AR: variants seen among roughly 807,000 people sequenced by gnomAD.
AR encodes the protein dihydrotestosterone receptor.
In AR, 8 loss-of-function variants were observed where a neutral mutation model predicts 53.9. The observed-to-expected ratio is 0.15, with a 90% confidence interval of 0.09 to 0.27. The LOEUF (loss-of-function observed/expected upper bound fraction) is 0.27, where lower values mean the gene tolerates loss of function less well. AR is among the 10% of genes least tolerant of loss of function. The probability of loss-of-function intolerance (pLI) is 1.00; values close to 1 mark genes in which losing one functional copy is unlikely to be tolerated. For missense variants in AR, 639 were observed against 742.5 expected, an observed-to-expected ratio of 0.86 and a Z score of 1.62; for synonymous variants, 359 against 316.4, an observed-to-expected ratio of 1.13 and a Z score of -1.43.
intron 1 of AR, among the ~76,000 whole-genome samples, chrX:67,572,829 T>A (rs1921881809): frequency 8.9e-6 from 1 of 111,916 alleles, no homozygotes; most frequent in South Asian, 3.7e-4. Flanking sequence ...CATATACAAG[T>A]CAGCATTTTT....
At chrX:67,574,434 T>C (rs141441754) in intron 1 of AR, among the ~76,000 whole-genome samples, 10 of 110,618 alleles carry the variant, frequency 9.0e-5, no homozygotes, top group African/African-American at 3.0e-4. Flanking sequence ...CAATGACCCA[T>C]TGGGCTAGTT....
intron 2 of AR, among the ~76,000 whole-genome samples, chrX:67,654,543 A>G (rs1413248296): frequency 9.1e-6 from 1 of 110,102 alleles, no homozygotes; most frequent in Admixed American, 9.8e-5. Flanking sequence ...TGACTTCCAG[A>G]CTTTGGACTT....
rs183463899 is a variant in AR at position 67,581,330 on chromosome X, T to C, written c.1616+34568T>C. Among the ~76,000 whole-genome samples, 9 of 112,050 alleles carry C rather than the reference T, an allele frequency of 8.0e-5. No homozygotes were observed. The East Asian group carries it at 2.5e-3, about 32-fold the overall frequency. On this transcript the variant is annotated intron_variant, in intron 1 of 7. Coordinates refer to ENST00000374690, the MANE Select transcript of AR (RefSeq NM_000044.6). ...GAATGTGATGTTTTATATGTACCTC[T>C]TATAGAATGTGAGCTTTTAAGAGGC...
intron 3 of AR, among the ~76,000 whole-genome samples, chrX:67,697,756 G>A (rs937852008): frequency 9.0e-6 from 1 of 111,613 alleles, no homozygotes; most frequent in Non-Finnish European, 1.9e-5. Context: ...AGGTGTAGGA[G>A]AAATCAAGAG....
rs137852589 is a variant in AR, at chrX:67,721,857, G to A, written c.2343G>A (p.Met781Ile). The A allele has an allele frequency of 8.3e-7, 1 of 1,210,751 alleles. No individual in the cohort carries two copies. Among genetic ancestry groups the A allele is most frequent in the Admixed American group, 2.2e-5 (1 of 45,937 alleles). ...FNEYRMHKSRMYSQCVRMRHL... is the reference protein window; with the variant it reads ...FNEYRMHKSRIYSQCVRMRHL... ...GGTACCGCATGCACAAGTCCCGGAT[G>A]TACAGCCAGTGTGTCCGAATGAGGC... Residue 781 changes from methionine (M) to isoleucine (I), a missense_variant, in exon 6 of 8, where the codon ATG (methionine) becomes ATA (isoleucine). Around this residue, in one of 5 missense-constraint regions of AR, gnomAD observed 95 missense variants for 196.4 expected, o/e 0.48. Transcript: ENST00000374690.
Position 67,730,053 on chromosome X carries a change from C to CATTG in AR, c.*6216_*6219dup, listed in dbSNP as rs2147548219. 5.7e-6 allele frequency: 1 copy of CATTG among 175,095 alleles called. No homozygotes were observed. Among genetic ancestry groups the CATTG allele is most frequent in the East Asian group, 8.1e-5 (1 of 12,392 alleles). 14.4% of individuals were successfully genotyped at this position (175,095 alleles called of 1,213,427 possible). On this transcript the variant is annotated 3_prime_UTR_variant, in exon 8 of 8. Transcript: ENST00000374690. ...CTTTCTGCTTTCCTCTAGACTGGAA[C>CATTG]ATTGATTAGGGAGTGCCTCAGACAT... is the stretch of plus-strand genomic sequence containing the variant.
At chrX:67,580,109 A>G (rs1466852450) in intron 1 of AR, among the ~76,000 whole-genome samples, 2 of 108,443 alleles carry the variant, frequency 1.8e-5, no homozygotes, top group Non-Finnish European at 3.8e-5. Flanking sequence ...CCAACTCCAC[A>G]GTTCTTAGTT....
rs1239805782 is a variant in AR at position 67,544,609 on chromosome X, T to C, written c.-538T>C. 2.4e-5 allele frequency: 4 copies of C among 167,758 alleles called. No individual in the cohort carries two copies. The highest frequency in any genetic ancestry group is 4.5e-5 in the Non-Finnish European group (4 of 89,283). The allele number at this position is 167,758 out of a possible 1,213,427, so 13.8% of individuals were successfully genotyped here. ...TTCAGCACTGCAGCCACGACCCGCC[T>C]GGTTAGGCTGCACGCGGAGAGAACC... On this transcript the variant is annotated 5_prime_UTR_variant, in exon 1 of 8. Coordinates refer to ENST00000374690, the MANE Select transcript of AR (RefSeq NM_000044.6).
Position 67,554,473 on chromosome X carries a change from T to C in AR, c.1616+7711T>C, listed in dbSNP as rs561015282. Among the ~76,000 whole-genome samples the C allele has an allele frequency of 8.0e-5, 9 of 111,916 alleles. No homozygotes were observed. The South Asian group carries it at 3.4e-3, about 42-fold the overall frequency. On this transcript the variant is annotated intron_variant, in intron 1 of 7. Transcript: ENST00000374690. ...ATGAAGCAAAGATAAAATTCATCTA[T>C]ACACAGACTGAACTTTGTCTTCATT...
At chrX:67,586,082 G>A (rs756310262) in intron 1 of AR, among the ~76,000 whole-genome samples, 25 of 111,501 alleles carry the variant, frequency 2.2e-4, no homozygotes, top group Non-Finnish European at 3.6e-4. Flanking sequence ...GAGAGAGCCT[G>A]AATCATTCAA....
At chrX:67,705,175 C>A (rs1044077776) in intron 3 of AR, among the ~76,000 whole-genome samples, 8 of 111,436 alleles carry the variant, frequency 7.2e-5, no homozygotes, top group African/African-American at 2.3e-4. Context: ...TTCTCCAATT[C>A]TGTGGAGAAA....
chrX:67,648,511 T>C (rs1233419799), intron 2 of AR, among the ~76,000 whole-genome samples: 3 of 111,635 alleles, frequency 2.7e-5, no homozygotes, highest in Non-Finnish European at 5.6e-5. Flanking sequence ...TATTACCTCA[T>C]GATTCTGTCT....
At chrX:67,704,147 T>G (rs766297970) in intron 3 of AR, among the ~76,000 whole-genome samples, 2 of 112,022 alleles carry the variant, frequency 1.8e-5, no homozygotes, top group South Asian at 7.5e-4. Flanking sequence ...ATATAATCCT[T>G]TGGGTATATA....
intron 1 of AR, among the ~76,000 whole-genome samples, chrX:67,571,732 A>G (rs1478486910): frequency 2.7e-5 from 3 of 111,358 alleles, no homozygotes; most frequent in Non-Finnish European, 5.7e-5. Context: ...TACTATTTAC[A>G]TAAAATTGAC....
intron 2 of AR, among the ~76,000 whole-genome samples, chrX:67,666,942 C>G (rs1438435021): frequency 9.0e-6 from 1 of 110,662 alleles, no homozygotes; most frequent in Non-Finnish European, 1.9e-5. Context: ...TGCTTGAGCT[C>G]TTTATATGCC....
chrX:67,693,904 T>C (rs928146662), intron 3 of AR, among the ~76,000 whole-genome samples: 1 of 111,899 alleles, frequency 8.9e-6, no homozygotes, highest in South Asian at 3.7e-4. Flanking sequence ...GAAGTAAAAA[T>C]TGATTGTTGA....
At chrX:67,704,596 T>G (rs1343082135) in intron 3 of AR, among the ~76,000 whole-genome samples, 1 of 112,053 alleles carries the variant, frequency 8.9e-6, no homozygotes, top group Admixed American at 9.4e-5. Flanking sequence ...TTCTGTAGGT[T>G]GCCTGTTCAC....
intron 3 of AR, among the ~76,000 whole-genome samples, chrX:67,707,877 T>G (rs892103408): frequency 2.7e-5 from 3 of 111,848 alleles, no homozygotes; most frequent in Non-Finnish European, 5.6e-5. Context: ...GTTTTTAAAG[T>G]ATTTTATTTC....
intron 1 of AR, among the ~76,000 whole-genome samples, chrX:67,638,616 T>C (rs1925579293): frequency 8.9e-6 from 1 of 112,432 alleles, no homozygotes; most frequent in Admixed American, 9.4e-5. Flanking sequence ...CGCATAAATG[T>C]CTTCTTTTGA....
Sources: allele counts gnomAD v4.1 joint callset (sites outside exome capture counted in the v4.1 genomes callset), GRCh38; gene constraint gnomAD v4.1.1; regional missense constraint gnomAD v4.1.1; transcripts MANE v1.5; gene names NCBI Gene and HGNC (gene_info 2026-07-23, HGNC 2026-07-21).